Variants in LPP observed in about 807,000 individuals in gnomAD.
LPP encodes lipoma-preferred partner.
In LPP, 38 loss-of-function variants were observed where a neutral mutation model predicts 60.4. That is an observed-to-expected ratio of 0.63 (90% CI 0.49 to 0.83). The LOEUF (loss-of-function observed/expected upper bound fraction) is 0.83, where lower values mean the gene tolerates loss of function less well. Ranked by LOEUF, LPP falls within the 40% of genes least tolerant of loss-of-function variation. The pLI is 0.00. For synonymous variants in LPP, 328 were observed against 290.8 expected (o/e 1.13, Z -1.30); for missense variants, 902 against 783.6 (o/e 1.15, Z -1.80).
intron 2 of LPP, among the ~76,000 whole-genome samples, chr3:188,311,465 C>T (rs1560231865): frequency 6.9e-6 from 1 of 145,328 alleles, no homozygotes; most frequent in South Asian, 2.2e-4. Context: ...GGAGCGAGAC[C>T]CTATCTCTAA....
chr3:188,706,929 T>C (rs533451047), intron 7 of LPP, among the ~76,000 whole-genome samples: 1 of 152,300 alleles, frequency 6.6e-6, no homozygotes, highest in Admixed American at 6.5e-5. Flanking sequence ...ACACTTTTAT[T>C]AAGAATGTTG....
chr3:188,887,602 T>C lies in LPP; in HGVS notation c.*13123T>C, dbSNP rs1292867761. On this transcript the variant is annotated 3_prime_UTR_variant, in exon 12 of 12. Transcript: ENST00000617246. Reference sequence around the variant, plus strand: ...AGTTTTTAGAATTGTGTCAAATACATCAACATATCAGGATTATAGTGCCAA... The same window carrying C: ...AGTTTTTAGAATTGTGTCAAATACACCAACATATCAGGATTATAGTGCCAA... 9.3e-6 allele frequency: 2 copies of C among 215,132 alleles called. No homozygotes were observed. The highest frequency in any genetic ancestry group is 9.4e-6 in the Non-Finnish European group (1 of 106,576). The allele number at this position is 215,132 out of a possible 1,614,324, so 13.3% of individuals were successfully genotyped here. A position where few individuals can be genotyped will look rare whatever the true frequency, so the allele number is the denominator to read the frequency against.
At chr3:188,605,591 A>T (rs1315351143) in intron 6 of LPP, among the ~76,000 whole-genome samples, 1 of 152,168 alleles carries the variant, frequency 6.6e-6, no homozygotes, top group Admixed American at 6.6e-5. Flanking sequence ...AGTCTTCATA[A>T]CATAGAAGGT....
At chr3:188,237,667 T>C (rs1450713910) in intron 2 of LPP, among the ~76,000 whole-genome samples, 2 of 152,176 alleles carry the variant, frequency 1.3e-5, no homozygotes, top group African/African-American at 4.8e-5. Flanking sequence ...GGAATCTTTT[T>C]TTTTTCCCTC....
chr3:188,746,424 A>G (rs1726231644), intron 8 of LPP: 2 of 475,324 alleles, frequency 4.2e-6, no homozygotes, highest in Non-Finnish European at 8.4e-6. Context: ...ATATGTGCAC[A>G]GTTTTGTTTC....
intron 4 of LPP, among the ~76,000 whole-genome samples, chr3:188,444,134 A>T (rs139273568): frequency 2.0e-5 from 3 of 152,256 alleles, no homozygotes; most frequent in East Asian, 3.9e-4. Context: ...GATATTTTTC[A>T]CTTCTTGGGA....
intron 3 of LPP, among the ~76,000 whole-genome samples, chr3:188,383,484 C>T (rs1009626610): frequency 6.6e-6 from 1 of 152,176 alleles, no homozygotes; most frequent in African/African-American, 2.4e-5. Flanking sequence ...CACATTTCAT[C>T]TGAAAGATGT....
chr3:188,415,938 A>G (rs1197964725), intron 4 of LPP, among the ~76,000 whole-genome samples: 1 of 152,124 alleles, frequency 6.6e-6, no homozygotes, highest in African/African-American at 2.4e-5. Flanking sequence ...GCAGGTTATA[A>G]AATGGTAAAA....
intron 1 of LPP, among the ~76,000 whole-genome samples, chr3:188,184,003 A>G (rs1188061206): frequency 2.0e-5 from 3 of 152,092 alleles, no homozygotes; most frequent in Non-Finnish European, 4.4e-5. Context: ...ATCAATTGGT[A>G]TAAGATTTCC....
chr3:188,393,842 C>A (rs1271014637), intron 3 of LPP, among the ~76,000 whole-genome samples: 1 of 152,012 alleles, frequency 6.6e-6, no homozygotes, highest in African/African-American at 2.4e-5. Flanking sequence ...TTTTTTTCTT[C>A]ACTCACAGTA....
chr3:188,689,917 ATT>A (rs35411155), intron 7 of LPP, among the ~76,000 whole-genome samples: 1 of 147,620 alleles, frequency 6.8e-6, no homozygotes. Flanking sequence ...TTCTGAGCTC[ATT>A]TTTTTTTTTT....
At chr3:188,154,431 G>T (rs548871157) in intron 1 of LPP, among the ~76,000 whole-genome samples, 179 bp downstream of exon 1, 174 of 152,114 alleles carry the variant, frequency 1.1e-3, no homozygotes, top group Admixed American at 2.2e-3. Context: ...TGCACGCCAT[G>T]GGGGAGGGGG....
chr3:188,206,003 T>G (rs1414455135), intron 1 of LPP, among the ~76,000 whole-genome samples: 1 of 152,206 alleles, frequency 6.6e-6, no homozygotes, highest in Non-Finnish European at 1.5e-5. Flanking sequence ...TGTCTACCCT[T>G]CCTTTTGCTA....
intron 1 of LPP, among the ~76,000 whole-genome samples, chr3:188,199,352 T>C (rs1381245127): frequency 1.3e-5 from 2 of 151,984 alleles, no homozygotes; most frequent in Non-Finnish European, 2.9e-5. Flanking sequence ...TACATCTTGG[T>C]GGGGTGGCCA....
intron 7 of LPP, among the ~76,000 whole-genome samples, chr3:188,616,699 G>A (rs1471408356): frequency 6.6e-6 from 1 of 152,062 alleles, no homozygotes; most frequent in African/African-American, 2.4e-5. Context: ...GAAAAGAGCC[G>A]ATACGTTAAC....
rs562871045 is a variant in LPP, at chr3:188,885,554, T to A, written c.*11075T>A. 1 of 174,296 alleles carries A rather than the reference T, an allele frequency of 5.7e-6. No individual in the cohort carries two copies. The highest frequency in any genetic ancestry group is 2.0e-4 in the South Asian group (1 of 5,004). 10.8% of individuals were successfully genotyped at this position (174,296 alleles called of 1,614,324 possible). A position where few individuals can be genotyped will look rare whatever the true frequency, so the allele number is the denominator to read the frequency against. On this transcript the variant is annotated 3_prime_UTR_variant, in exon 12 of 12. Transcript: ENST00000617246. ...AGTCTATCATTGTTGGACATTTGGG[T>A]TGGTTCCAAGTCTTTGCTATTGTGA... is the stretch of plus-strand genomic sequence containing the variant.
chr3:188,441,260 C>T (rs1391933697), intron 4 of LPP, among the ~76,000 whole-genome samples: 1 of 152,058 alleles, frequency 6.6e-6, no homozygotes, highest in African/African-American at 2.4e-5. Context: ...ATTCCAGATT[C>T]TCAAAGTCCT....
chr3:188,854,260 A>G (rs1179892335), intron 9 of LPP, among the ~76,000 whole-genome samples: 1 of 152,178 alleles, frequency 6.6e-6, no homozygotes, highest in Non-Finnish European at 1.5e-5. Context: ...CACTTTTGGC[A>G]GGGTGGGGGA....
intron 9 of LPP, among the ~76,000 whole-genome samples, chr3:188,800,899 G>C (rs1400323560): frequency 3.9e-5 from 6 of 152,152 alleles, no homozygotes; most frequent in Non-Finnish European, 2.9e-5. Flanking sequence ...GGTTATTCAT[G>C]TTTTCCTTAT....
Sources: allele counts gnomAD v4.1 joint callset (sites outside exome capture counted in the v4.1 genomes callset), GRCh38; gene constraint gnomAD v4.1.1; transcripts MANE v1.5; gene names NCBI Gene and HGNC (gene_info 2026-07-23, HGNC 2026-07-21).